PTN: variants seen among roughly 807,000 people sequenced by gnomAD.
PTN encodes pleiotrophin, also known as heparin affin regulatory protein.
A neutral mutation model predicts 24.1 loss-of-function variants in PTN; 18 were observed. That is an observed-to-expected ratio of 0.75 (90% confidence interval 0.52 to 1.11). The LOEUF is 1.11. PTN is among the 50% of genes least tolerant of loss of function. The pLI, the probability that PTN is intolerant of heterozygous loss-of-function variation, is 0.00. For synonymous variants in PTN, 78 were observed against 68.6 expected, an observed-to-expected ratio of 1.14 and a Z score of -0.67; for missense variants, 163 against 198.8, an observed-to-expected ratio of 0.82 and a Z score of 1.08.
At chr7:137,233,940 ATG>A (rs1808473916) in intron 4 of PTN, among the ~76,000 whole-genome samples, 3 of 149,990 alleles carry the variant, frequency 2.0e-5, no homozygotes, top group African/African-American at 7.5e-5. Context: ...ATACATATAT[ATG>A]TATATGTACA....
At chr7:137,265,449 T>C (rs1157494209) in intron 1 of PTN, among the ~76,000 whole-genome samples, 1 of 152,170 alleles carries the variant, frequency 6.6e-6, no homozygotes, top group Non-Finnish European at 1.5e-5. Context: ...TGATAAGCTC[T>C]TGAAAATTCT....
intron 4 of PTN, among the ~76,000 whole-genome samples, chr7:137,246,424 A>C (rs1454199596): frequency 6.6e-6 from 1 of 152,166 alleles, no homozygotes; most frequent in Non-Finnish European, 1.5e-5. Flanking sequence ...CTAAGGATAC[A>C]TTTCTTAGAA....
chr7:137,267,224 CTCTA>C (rs929333409), intron 1 of PTN, among the ~76,000 whole-genome samples: 9 of 151,972 alleles, frequency 5.9e-5, no homozygotes, highest in Non-Finnish European at 1.0e-4. Context: ...CTCTTTCTGC[CTCTA>C]TCTTTCTCTG....
At chr7:137,243,504 A>G (rs1221473271) in intron 4 of PTN, among the ~76,000 whole-genome samples, 1 of 152,174 alleles carries the variant, frequency 6.6e-6, no homozygotes, top group African/African-American at 2.4e-5. Context: ...CCACATTCTG[A>G]CATTCTTGCA....
chr7:137,248,446 G>A (rs1377373680), intron 4 of PTN, among the ~76,000 whole-genome samples: 1 of 152,118 alleles, frequency 6.6e-6, no homozygotes, highest in African/African-American at 2.4e-5. Context: ...AGCACTTTGG[G>A]AGGCCAAGGC....
chr7:137,292,077 T>C (rs935122279), intron 1 of PTN, among the ~76,000 whole-genome samples: 7 of 152,136 alleles, frequency 4.6e-5, no homozygotes, highest in Non-Finnish European at 7.4e-5. Flanking sequence ...CCTGAACCAA[T>C]AAAAATGCAC....
chr7:137,254,999 G>T (rs1189554297), intron 1 of PTN, 25 bp from the exon 2 acceptor site: 1 of 1,481,170 alleles, frequency 6.8e-7, no homozygotes, highest in Non-Finnish European at 9.2e-7. Context: ...AGAAAGAGAA[G>T]AAGGTGGCAT....
chr7:137,235,157 C>T (rs1483961343), intron 4 of PTN, among the ~76,000 whole-genome samples: 1 of 152,036 alleles, frequency 6.6e-6, no homozygotes, highest in Non-Finnish European at 1.5e-5. Context: ...ATATCCCTGT[C>T]AAACAGTACC....
intron 1 of PTN, among the ~76,000 whole-genome samples, chr7:137,329,097 C>T (rs184427820): frequency 5.9e-5 from 9 of 152,258 alleles, no homozygotes; most frequent in Non-Finnish European, 1.2e-4. Context: ...TTCTGAGATA[C>T]ATTTCCCTCA....
intron 1 of PTN, among the ~76,000 whole-genome samples, chr7:137,341,445 A>G (rs1211961738): frequency 6.6e-6 from 1 of 152,102 alleles, no homozygotes; most frequent in Non-Finnish European, 1.5e-5. Flanking sequence ...GATCTCATGG[A>G]AAGGGGTCTA....
At chr7:137,279,879 G>A (rs1048665036) in intron 1 of PTN, among the ~76,000 whole-genome samples, 4 of 152,140 alleles carry the variant, frequency 2.6e-5, no homozygotes, top group Non-Finnish European at 5.9e-5. Context: ...ACATAGTACA[G>A]GTCAAACATT....
chr7:137,328,535 G>C (rs1810299779), intron 1 of PTN, among the ~76,000 whole-genome samples: 2 of 152,084 alleles, frequency 1.3e-5, no homozygotes, highest in South Asian at 4.1e-4. Flanking sequence ...AGCTGCACTG[G>C]AGCTAGCTGC....
At chr7:137,320,811 C>T (rs1810151096) in intron 1 of PTN, among the ~76,000 whole-genome samples, 1 of 152,126 alleles carries the variant, frequency 6.6e-6, no homozygotes, top group Admixed American at 6.5e-5. Context: ...CCTGCTCTGC[C>T]TTCTCTAGTC....
chr7:137,325,645 G>A (rs1474826216), intron 1 of PTN: 1 of 152,198 alleles, frequency 6.6e-6, no homozygotes, highest in Non-Finnish European at 1.5e-5. Flanking sequence ...ATAACAATCT[G>A]GCTTTCACTG....
intron 1 of PTN, among the ~76,000 whole-genome samples, chr7:137,340,178 T>A (rs1810512503): frequency 6.6e-6 from 1 of 152,194 alleles, no homozygotes; most frequent in African/African-American, 2.4e-5. Context: ...AAGGAGTCAT[T>A]GTATTCCTTG....
intron 1 of PTN, among the ~76,000 whole-genome samples, chr7:137,312,519 C>T (rs1439592870): frequency 6.6e-6 from 1 of 152,244 alleles, no homozygotes; most frequent in Admixed American, 6.5e-5. Flanking sequence ...CTAAGCTACG[C>T]TTTCTCAGCT....
intron 4 of PTN, among the ~76,000 whole-genome samples, chr7:137,241,503 A>C (rs966078130): frequency 6.6e-6 from 1 of 152,148 alleles, no homozygotes; most frequent in African/African-American, 2.4e-5. Flanking sequence ...TACTTCAAGA[A>C]ATTCATTTGG....
chr7:137,339,026 A>C (rs1810492278), intron 1 of PTN, among the ~76,000 whole-genome samples: 2 of 152,042 alleles, frequency 1.3e-5, no homozygotes, highest in South Asian at 4.1e-4. Context: ...TTGGAAGACA[A>C]GAAAAAAAAA....
chr7:137,230,975 G>A (rs1015384237), intron 4 of PTN, among the ~76,000 whole-genome samples: 3 of 151,506 alleles, frequency 2.0e-5, no homozygotes, highest in Admixed American at 6.6e-5. Flanking sequence ...CTTCCACTAC[G>A]ACATGTCTCA....
Sources: allele counts gnomAD v4.1 joint callset (sites outside exome capture counted in the v4.1 genomes callset), GRCh38; gene constraint gnomAD v4.1.1; transcripts MANE v1.5; gene names NCBI Gene and HGNC (gene_info 2026-07-23, HGNC 2026-07-21).